The following CEP152 variants were observed in gnomAD, a reference collection of about 807,000 sequenced individuals.
CEP152 encodes centrosomal protein of 152 kDa.
In CEP152, 132 loss-of-function variants were observed where a neutral mutation model predicts 188.9. That is an observed-to-expected ratio of 0.70 (90% CI 0.61 to 0.81). The LOEUF (loss-of-function observed/expected upper bound fraction) is 0.81, where lower values mean the gene tolerates loss of function less well. Ranked by LOEUF, CEP152 falls within the 30% of genes least tolerant of loss-of-function variation. The pLI is 0.00. For synonymous variants in CEP152, 649 were observed against 666.6 expected (o/e 0.97, Z 0.41); for missense variants, 1,914 against 1,969.8 (o/e 0.97, Z 0.54).
chr15:48,782,101 A>G (rs762919467), intron 11 of CEP152, 38 bp downstream of exon 11: 2 of 1,555,556 alleles, frequency 1.3e-6, no homozygotes, highest in South Asian at 1.1e-5. Flanking sequence ...TGCCTAATTC[A>G]GATACCCATA....
intron 25 of CEP152, 112 bp from the exon 26 acceptor site, chr15:48,741,816 C>T: frequency 6.2e-7 from 1 of 1,609,278 alleles, no homozygotes; most frequent in Non-Finnish European, 8.5e-7. Flanking sequence ...GGTAGCACAG[C>T]CATAAACCTC....
chr15:48,764,926 C>T (rs1865883442), intron 17 of CEP152, among the ~76,000 whole-genome samples: 1 of 151,772 alleles, frequency 6.6e-6, no homozygotes, highest in Non-Finnish European at 1.5e-5. Context: ...GAAGAGCTAC[C>T]CCAGAAGTGC....
At chr15:48,797,798 C>T in intron 3 of CEP152, 68 bp from the exon 4 acceptor site, 1 of 1,575,960 alleles carries the variant, frequency 6.3e-7, no homozygotes, top group Non-Finnish European at 8.7e-7. Context: ...CACAAAGAAC[C>T]CCAAGATTTT....
chr15:48,744,913 A>C lies in CEP152; in HGVS notation c.3714T>G (p.Leu1238=). The stretch of plus-strand genomic sequence containing the variant: ...AAGTATACCTTGGTGGTGTTTTACA[A>C]AGTGTTTGCAATTCTTCCAATTTAT... ...MKNKLEELQT[L]CKTPPRSLSA... is the part of the protein sequence containing the mutation. Residue 1238 remains leucine, a synonymous_variant, in exon 23 of 27, where the codon CTT becomes CTG. Transcript: ENST00000380950. 1 of 1,610,244 alleles carries C rather than the reference A, an allele frequency of 6.2e-7. No homozygotes were observed. Among genetic ancestry groups the C allele is most frequent in the Non-Finnish European group, 8.5e-7 (1 of 1,178,804 alleles).
rs1893293890 is a variant in CEP152, at chr15:48,744,931, C to T, written c.3696G>A (p.Leu1232=). ...TTTTACAAAGTGTTTGCAATTCTTC[C>T]AATTTATTCTTCATGTCGTTGTTTT... ...IEENNDMKNK[L]EELQTLCKTP... Residue 1232 remains leucine, a synonymous_variant, in exon 23 of 27, where the codon TTG becomes TTA. Coordinates refer to ENST00000380950, the MANE Select transcript of CEP152 (RefSeq NM_001194998.2). The T allele has an allele frequency of 6.2e-7, 1 of 1,610,518 alleles. No homozygotes were observed. The highest frequency in any genetic ancestry group is 8.5e-7 in the Non-Finnish European group (1 of 1,178,796).
chr15:48,761,937 T>C (rs1894717713), intron 18 of CEP152, among the ~76,000 whole-genome samples: 1 of 152,204 alleles, frequency 6.6e-6, no homozygotes, highest in Non-Finnish European at 1.5e-5. Context: ...GAATGATAGA[T>C]AAAGTTCCAT....
intron 2 of CEP152, among the ~76,000 whole-genome samples, chr15:48,802,091 A>G (rs1897700647): frequency 6.8e-6 from 1 of 147,534 alleles, no homozygotes; most frequent in Admixed American, 6.8e-5. Context: ...CTCCATCTCA[A>G]AAAAAAAAAA....
downstream of CEP152, among the ~76,000 whole-genome samples, chr15:48,733,512 A>G (rs556701271): frequency 8.7e-4 from 132 of 152,342 alleles, 1 homozygote; most frequent in Non-Finnish European, 1.6e-3. Context: ...AGAAGAATGC[A>G]CAGTGCCTCA....
At chr15:48,767,303 G>A (rs201600257) in intron 16 of CEP152, 32 bp downstream of exon 16, 35 of 1,614,130 alleles carry the variant, frequency 2.2e-5, no homozygotes, top group Non-Finnish European at 2.6e-5. Context: ...AGTCTCTACA[G>A]CTTAAAAGGC....
chr15:48,739,082 C>T lies in CEP152; in HGVS notation c.4300G>A (p.Val1434Met), dbSNP rs1199260484. The T allele has an allele frequency of 1.2e-6, 2 of 1,614,198 alleles. No individual in the cohort carries two copies. The highest frequency in any genetic ancestry group is 1.7e-5 in the Admixed American group (1 of 60,026). ...ENSEHQSIKH[V>M]GSKETHLEFQ... ...TCCAAATGTGTCTCTTTGGATCCCA[C>T]ATGCTTTATGCTCTGATGCTCTGAG... Residue 1434 changes from valine (V) to methionine (M), a missense_variant, in exon 27 of 27, where the codon GTG becomes ATG. Physicochemically the swap from Val to Met is conservative, Grantham distance 21. Transcript: ENST00000380950.
intron 12 of CEP152, among the ~76,000 whole-genome samples, chr15:48,780,312 T>A (rs1896164145): frequency 6.6e-6 from 1 of 152,216 alleles, no homozygotes; most frequent in Non-Finnish European, 1.5e-5. Context: ...CCATCTACTT[T>A]CACAGTATCA....
downstream of CEP152, among the ~76,000 whole-genome samples, chr15:48,736,927 T>A (rs998645383): frequency 1.3e-5 from 2 of 152,046 alleles, no homozygotes; most frequent in African/African-American, 4.8e-5. Flanking sequence ...TGTTTTAGAG[T>A]TTTTTTCTAG....
intron 10 of CEP152, 120 bp from the exon 11 acceptor site, chr15:48,782,350 G>A (rs368861052): frequency 2.4e-5 from 20 of 819,662 alleles, no homozygotes; most frequent in Non-Finnish European, 2.0e-6. Flanking sequence ...TACTACTACT[G>A]TCTCTTTAGA....
chr15:48,760,147 A>G lies in CEP152; in HGVS notation c.2682T>C (p.Ser894=). 6.2e-7 allele frequency: 1 copy of G among 1,614,032 alleles called. No homozygotes were observed. The highest frequency in any genetic ancestry group is 8.5e-7 in the Non-Finnish European group (1 of 1,179,932). ...QKKWEEQHEV[S]VNKRISFAVS... is the part of the protein sequence containing the mutation. ...GAAGAGCTCTTACCCTTTTGTTCAC[A>G]GAGACCTCATGCTGTTCTTCCCACT... Residue 894 remains serine, a synonymous_variant, in exon 19 of 27, where the codon TCT becomes TCC. Coordinates refer to ENST00000380950, the MANE Select transcript of CEP152 (RefSeq NM_001194998.2).
chr15:48,783,876 G>T, intron 10 of CEP152, 97 bp downstream of exon 10: 1 of 1,206,984 alleles, frequency 8.3e-7, no homozygotes, highest in Non-Finnish European at 1.2e-6. Context: ...TGTGTTTTCT[G>T]TCCCTTCTGG....
At chr15:48,751,515 G>A (rs1893871200) in intron 21 of CEP152, among the ~76,000 whole-genome samples, 1 of 152,172 alleles carries the variant, frequency 6.6e-6, no homozygotes, top group African/African-American at 2.4e-5. Flanking sequence ...CTAAGATTCT[G>A]GTAACATTGC....
Position 48,762,674 on chromosome 15 carries a change from T to C in CEP152, c.2281-2A>G. 1 of 1,613,176 alleles carries C rather than the reference T, an allele frequency of 6.2e-7. No homozygotes were observed. On this transcript the variant is annotated splice_acceptor_variant, in intron 17 of 26. Coordinates refer to ENST00000380950, the MANE Select transcript of CEP152 (RefSeq NM_001194998.2). LOFTEE classifies it high-confidence loss of function. ...CTGTTGAATGAGTTTTTCTTTGATC[T>C]GTTTTCAGAAGAAAAATCATACGAG...
At chr15:48,805,766 G>C in intron 1 of CEP152, 110 bp from the exon 2 acceptor site, 1 of 1,438,796 alleles carries the variant, frequency 7.0e-7, no homozygotes, top group Non-Finnish European at 9.6e-7. Flanking sequence ...GAAACAGACT[G>C]GGAGAAAATA....
chr15:48,760,030 T>C, intron 19 of CEP152, 105 bp downstream of exon 19: 4 of 1,455,638 alleles, frequency 2.7e-6, no homozygotes, highest in Non-Finnish European at 3.8e-6. Context: ...TCAACATGTT[T>C]ATCCTTCAAC....
Sources: gnomAD v4.1 joint callset for allele counts (sites outside exome capture counted in the v4.1 genomes callset) on GRCh38, gnomAD v4.1.1 for gene constraint, MANE v1.5 for transcripts, NCBI Gene and HGNC (gene_info 2026-07-23, HGNC 2026-07-21) for gene names.